Variants in RIPOR1 observed in about 807,000 individuals in gnomAD.
RIPOR1 encodes rho family-interacting cell polarization regulator 1.
Under a neutral mutation model 116.5 loss-of-function variants are expected in RIPOR1, and 58 were observed. The observed-to-expected ratio is 0.50, with a 90% CI of 0.40 to 0.62. The LOEUF is 0.62. Among genes scored for constraint, RIPOR1 ranks in the 20% least tolerant of loss-of-function variants. The probability of loss-of-function intolerance (pLI) is 0.00; values close to 1 mark genes in which losing one functional copy is unlikely to be tolerated. For missense variants in RIPOR1, 1,372 were observed against 1,586.2 expected (o/e 0.86, Z 2.29); for synonymous variants, 605 against 650.0 (o/e 0.93, Z 1.05).
chr16:67,540,551 G>C lies in RIPOR1; in HGVS notation c.676-28G>C. 2 of 1,614,098 alleles carry C rather than the reference G, an allele frequency of 1.2e-6. No homozygotes were observed. Among genetic ancestry groups the C allele is most frequent in the East Asian group, 4.5e-5 (2 of 44,880 alleles). ...TGGGTCGGTAGGGTCCCAACACCTA[G>C]GCTGCCTCATCCTACCTGTTCCCCC... On this transcript the variant is annotated intron_variant, in intron 9 of 21. Transcript: ENST00000042381. The surrounding 1 kb of genome is among the most constrained non-coding windows in gnomAD (Gnocchi z 4.7).
chr16:67,523,020 T>A (rs1050555042), intron 1 of RIPOR1, among the ~76,000 whole-genome samples: 1 of 152,144 alleles, frequency 6.6e-6, no homozygotes, highest in African/African-American at 2.4e-5. Flanking sequence ...TCTGAAATCA[T>A]CTTGTTTATA....
At chr16:67,539,553 G>T in intron 4 of RIPOR1, 175 bp from the exon 5 acceptor site, 1 of 795,430 alleles carries the variant, frequency 1.3e-6, no homozygotes, top group South Asian at 1.5e-5. Context: ...GACCAGATCT[G>T]TGCTACCAGC....
At chr16:67,528,737 G>A (rs1406883291), upstream of RIPOR1, 1 of 151,412 alleles carries the variant, frequency 6.6e-6, no homozygotes, top group East Asian at 1.9e-4. Flanking sequence ...CTCTAGGGGT[G>A]CGGGAGCCGC....
intron 1 of RIPOR1, among the ~76,000 whole-genome samples, chr16:67,536,276 C>T (rs1367094589): frequency 1.3e-5 from 2 of 152,134 alleles, no homozygotes; most frequent in East Asian, 1.9e-4. Flanking sequence ...GGTGAAACCC[C>T]GTCTCTATTA....
chr16:67,545,242 CT>C lies in RIPOR1; in HGVS notation c.3031+127del. The stretch of plus-strand genomic sequence containing the variant: ...CGAGGAGACCAGCAAAGACTTGGGC[CT>C]TAGAGCAGAAGGACCCAGATGGGTG... On this transcript the variant is annotated intron_variant, in intron 17 of 21. Coordinates refer to ENST00000042381, the MANE Select transcript of RIPOR1 (RefSeq NM_024519.4). This position sits in a 1 kb window ranked among gnomAD's most constrained non-coding sequence, Gnocchi z 4.8. 1 of 1,524,438 alleles carries C rather than the reference CT, an allele frequency of 6.6e-7. No homozygotes were observed. Among genetic ancestry groups the C allele is most frequent in the Non-Finnish European group, 8.9e-7 (1 of 1,124,376 alleles). 94.4% of individuals were successfully genotyped at this position (1,524,438 alleles called of 1,614,324 possible). A position where few individuals can be genotyped will look rare whatever the true frequency, so the allele number is the denominator to read the frequency against.
rs1288108605 is a variant in RIPOR1, at chr16:67,530,558, CG to C, written c.-24+1648del. 6.6e-6 allele frequency among the ~76,000 whole-genome samples: 1 copy of C among 152,162 alleles called. No individual in the cohort carries two copies. Among genetic ancestry groups the C allele is most frequent in the Admixed American group, 6.5e-5 (1 of 15,280 alleles). On this transcript the variant is annotated intron_variant, in intron 1 of 21. Transcript: ENST00000042381. This position sits in a 1 kb window ranked among gnomAD's most constrained non-coding sequence, Gnocchi z 4.5. ...CGGTCGGGGCGGCCCCGGGGTGGGG[CG>C]GGGCTAGACCCGGGGACTCCCAGAG...
chr16:67,523,576 T>C (rs944473218), intron 1 of RIPOR1, among the ~76,000 whole-genome samples: 4 of 149,044 alleles, frequency 2.7e-5, no homozygotes, highest in Non-Finnish European at 5.9e-5. Context: ...TTGGCACAGA[T>C]GTTTTCCTGC....
At chr16:67,521,194 C>T (rs970210287) in intron 1 of RIPOR1, among the ~76,000 whole-genome samples, 8 of 152,180 alleles carry the variant, frequency 5.3e-5, no homozygotes, top group African/African-American at 1.9e-4. Context: ...CAGGGGCACC[C>T]CCTTGAGCTG....
At position 67,543,147 on chromosome 16, in the gene RIPOR1, C is replaced by A; in HGVS notation, c.2361C>A (p.Asp787Glu). 6.5e-7 allele frequency: 1 copy of A among 1,532,538 alleles called. No individual in the cohort carries two copies. Among genetic ancestry groups the A allele is most frequent in the South Asian group, 1.3e-5 (1 of 77,156 alleles). 94.9% of individuals were successfully genotyped at this position (1,532,538 alleles called of 1,614,324 possible). A position where few individuals can be genotyped will look rare whatever the true frequency, so the allele number is the denominator to read the frequency against. Residue 787 changes from aspartate (D) to glutamate (E), a missense_variant, in exon 13 of 22, where the codon GAC (aspartate) becomes GAA (glutamate). Around this residue, in one of 3 missense-constraint regions of RIPOR1, gnomAD observed 1,005 missense variants for 1,144.7 expected, o/e 0.88. Transcript: ENST00000042381. This position sits in a 1 kb window ranked among gnomAD's most constrained non-coding sequence, Gnocchi z 4.7. The stretch of plus-strand genomic sequence containing the variant: ...CAACGGCAGCCGGAGGGTCTGGGGA[C>A]AGGAGCCTGGAGGAGGCACTGGGGG... Reference protein sequence around the residue: ...PVPTAAGGSGDRSLEEALGAL... With the variant: ...PVPTAAGGSGERSLEEALGAL...
chr16:67,546,500 C>T lies in RIPOR1; in HGVS notation c.*37C>T, dbSNP rs745778693. 33 of 1,564,044 alleles carry T rather than the reference C, an allele frequency of 2.1e-5. No homozygotes were observed. The highest frequency in any genetic ancestry group is 2.5e-5 in the Non-Finnish European group (28 of 1,136,712). On this transcript the variant is annotated 3_prime_UTR_variant, in exon 22 of 22. Transcript: ENST00000042381. ...ATGGGTTCCTGGTGCCCCTTTCCCCCCACTTTCAGGGCTCACCAGGCACTG... is the reference window on the plus strand; with the variant it reads ...ATGGGTTCCTGGTGCCCCTTTCCCCTCACTTTCAGGGCTCACCAGGCACTG...
At chr16:67,534,987 C>G (rs113664189) in intron 1 of RIPOR1, among the ~76,000 whole-genome samples, 1 of 151,748 alleles carries the variant, frequency 6.6e-6, no homozygotes, top group East Asian at 1.9e-4. Context: ...GCACTACAGG[C>G]GTGCACGACC....
Position 67,531,409 on chromosome 16 carries a change from T to G in RIPOR1, c.-24+2495T>G. ...ATGCCCCAGGTCTCACAAGGTTCAG[T>G]CTGGTGGGAAGACAGGCCCTAAAGG... On this transcript the variant is annotated intron_variant, in intron 1 of 21. Coordinates refer to ENST00000042381, the MANE Select transcript of RIPOR1 (RefSeq NM_024519.4). This position sits in a 1 kb window ranked among gnomAD's most constrained non-coding sequence, Gnocchi z 4.2. The G allele has an allele frequency of 3.5e-6, 1 of 286,216 alleles. No individual in the cohort carries two copies. The highest frequency in any genetic ancestry group is 7.1e-6 in the Non-Finnish European group (1 of 141,564). 17.7% of individuals were successfully genotyped at this position (286,216 alleles called of 1,614,324 possible). A position where few individuals can be genotyped will look rare whatever the true frequency, so the allele number is the denominator to read the frequency against.
Position 67,542,910 on chromosome 16 carries a change from C to T in RIPOR1, c.2124C>T (p.Pro708=). The change falls in exon 13 of 22, where the codon CCC becomes CCT. Residue 708 remains proline, a synonymous_variant. Coordinates refer to ENST00000042381, the MANE Select transcript of RIPOR1 (RefSeq NM_024519.4). The surrounding 1 kb of genome is among the most constrained non-coding windows in gnomAD (Gnocchi z 4.6). ...LPGTDSLPCS[P]PVSNSYTQAD... is the part of the protein sequence containing the mutation. ...GCACTGACTCCCTTCCCTGTAGTCC[C>T]CCAGTCTCCAATTCCTACACTCAGG... The T allele has an allele frequency of 6.2e-7, 1 of 1,607,860 alleles. No homozygotes were observed. The highest frequency in any genetic ancestry group is 8.5e-7 in the Non-Finnish European group (1 of 1,176,134).
chr16:67,527,958 G>A (rs1273897859), upstream of RIPOR1, among the ~76,000 whole-genome samples: 1 of 151,960 alleles, frequency 6.6e-6, no homozygotes, highest in African/African-American at 2.4e-5. Context: ...GATATTCAGG[G>A]ACCTCTTACT....
chr16:67,545,010 CAG>C lies in RIPOR1; in HGVS notation c.2930_2931del (p.Arg977ThrfsTer32). On this transcript the variant is annotated frameshift_variant, in exon 17 of 22. Transcript: ENST00000042381. LOFTEE classifies it high-confidence loss of function. This position sits in a 1 kb window ranked among gnomAD's most constrained non-coding sequence, Gnocchi z 4.8. Reference sequence around the variant, plus strand: ...TTCCTGACCTTCTGGGACCAGTGCACAGAGAGACTCAGCTGCTTCCTCTGCCC... The same window carrying C: ...TTCCTGACCTTCTGGGACCAGTGCACAGAGACTCAGCTGCTTCCTCTGCCC... The C allele has an allele frequency of 6.2e-7, 1 of 1,613,634 alleles. No individual in the cohort carries two copies. Among genetic ancestry groups the C allele is most frequent in the South Asian group, 1.1e-5 (1 of 91,088 alleles).
chr16:67,523,545 A>AC (rs1261121075), intron 1 of RIPOR1, among the ~76,000 whole-genome samples: 5 of 150,308 alleles, frequency 3.3e-5, no homozygotes, highest in African/African-American at 1.2e-4. Context: ...AAAAAAAAAA[A>AC]AAAACAGTAG....
Position 67,537,695 on chromosome 16 carries a change from T to TG in RIPOR1, c.-23-724dup, listed in dbSNP as rs1479275692. The TG allele has an allele frequency of 2.4e-6, 2 of 827,928 alleles. No individual in the cohort carries two copies. Among genetic ancestry groups the TG allele is most frequent in the East Asian group, 3.4e-5 (1 of 29,636 alleles). The allele number at this position is 827,928 out of a possible 1,614,324, so 51.3% of individuals were successfully genotyped here. On this transcript the variant is annotated intron_variant, in intron 1 of 21. Coordinates refer to ENST00000042381, the MANE Select transcript of RIPOR1 (RefSeq NM_024519.4). This position sits in a 1 kb window ranked among gnomAD's most constrained non-coding sequence, Gnocchi z 4.6. The stretch of plus-strand genomic sequence containing the variant: ...GAGTGTGTGTTTCGCCGAAGCGGGG[T>TG]GGGGGTCTGCCGAGGAGCTCTCCCC...
intron 5 of RIPOR1, 44 bp downstream of exon 5, chr16:67,539,795 G>A (rs2050916685): frequency 1.2e-6 from 2 of 1,614,076 alleles, no homozygotes; most frequent in Non-Finnish European, 1.7e-6. Flanking sequence ...GGCTCACAGG[G>A]AGGGTAAGGA....
At position 67,544,969 on chromosome 16, in the gene RIPOR1, G is replaced by A. The variant is rs1344914288; in HGVS notation, c.2883G>A (p.Ser961=). 4 of 1,612,500 alleles carry A rather than the reference G, an allele frequency of 2.5e-6. No individual in the cohort carries two copies. Among genetic ancestry groups the A allele is most frequent in the African/African-American group, 1.3e-5 (1 of 74,938 alleles). Residue 961 remains serine, a synonymous_variant, in exon 17 of 22, where the codon TCG becomes TCA. Transcript: ENST00000042381. This position sits in a 1 kb window ranked among gnomAD's most constrained non-coding sequence, Gnocchi z 5.1. ...ASSAQEVVQF[S]ASRPGFLTFW... ...ACCCCCTCACAGTGGTGCAGTTCTC[G>A]GCCTCTCGGCCTGGCTTCCTGACCT...
Sources: gnomAD v4.1 joint callset for allele counts (sites outside exome capture counted in the v4.1 genomes callset) on GRCh38, gnomAD v4.1.1 for gene constraint, gnomAD v4.1.1 regional missense constraint, Gnocchi (gnomAD v3.1) non-coding constraint, MANE v1.5 for transcripts, NCBI Gene and HGNC (gene_info 2026-07-23, HGNC 2026-07-21) for gene names.